Variants in SORBS3 observed in about 807,000 individuals in gnomAD.
The protein encoded by SORBS3 is vinexin.
In SORBS3, 69 loss-of-function variants were observed where a neutral mutation model predicts 98.0. The ratio of observed to expected loss-of-function variants is 0.70; its 90% confidence interval spans 0.58 to 0.86. The LOEUF is 0.86. Among genes scored for constraint, SORBS3 ranks in the 40% least tolerant of loss-of-function variants. The pLI is 0.00. For synonymous variants in SORBS3, 394 were observed against 355.4 expected, an observed-to-expected ratio of 1.11 and a Z score of -1.22; for missense variants, 954 against 908.5, an observed-to-expected ratio of 1.05 and a Z score of -0.64.
At chr8:22,563,569 C>G (rs927592140) in intron 7 of SORBS3, among the ~76,000 whole-genome samples, 1 of 152,196 alleles carries the variant, frequency 6.6e-6, no homozygotes, top group African/African-American at 2.4e-5. Flanking sequence ...GCTGCACAGA[C>G]GCACATAGCC....
In SORBS3 at chr8:22,571,705, T is replaced by C. The variant is rs770601829; in HGVS notation, c.1744-13T>C. 1.9e-6 allele frequency: 3 copies of C among 1,601,600 alleles called. No homozygotes were observed. The Admixed American group carries it at 5.0e-5, about 27-fold the overall frequency. ...CCTCCCTCTGACATCCCTTTCTTCC[T>C]GTCAACTCCCAGAATCTTGGCACCC... On this transcript the variant is annotated splice_polypyrimidine_tract_variant and intron_variant, in intron 18 of 20. Transcript: ENST00000240123.
Position 22,574,733 on chromosome 8 carries a change from T to C in SORBS3, c.*5T>C, listed in dbSNP as rs1840685092. ...AATTACGTTGCCCCGGTGTGAGTGGTCTCCATGGCAACTTGGAGCCAGCCA... is the reference window on the plus strand; with the variant it reads ...AATTACGTTGCCCCGGTGTGAGTGGCCTCCATGGCAACTTGGAGCCAGCCA... On this transcript the variant is annotated 3_prime_UTR_variant, in exon 21 of 21. Transcript: ENST00000240123. 1 of 1,610,480 alleles carries C rather than the reference T, an allele frequency of 6.2e-7. No homozygotes were observed. The highest frequency in any genetic ancestry group is 8.5e-7 in the Non-Finnish European group (1 of 1,177,318).
chr8:22,573,804 A>G (rs1840652782), intron 20 of SORBS3, among the ~76,000 whole-genome samples: 1 of 152,210 alleles, frequency 6.6e-6, no homozygotes, highest in Admixed American at 6.5e-5. Flanking sequence ...ATTTTTCTAT[A>G]TATAGGAATA....
rs1840142603 is a variant in SORBS3, at chr8:22,554,304, G to C, written c.-55-148G>C. On this transcript the variant is annotated intron_variant, in intron 1 of 20. Coordinates refer to ENST00000240123, the MANE Select transcript of SORBS3 (RefSeq NM_005775.5). This position sits in a 1 kb window ranked among gnomAD's most constrained non-coding sequence, Gnocchi z 6.5. ...AGCCTGCAGGCGGGTGCCTGGCGTG[G>C]CCTGTTTCCTGGGTCCTTGAGCTAG... 1 of 772,264 alleles carries C rather than the reference G, an allele frequency of 1.3e-6. No homozygotes were observed. The highest frequency in any genetic ancestry group is 1.9e-6 in the Non-Finnish European group (1 of 520,294). 47.8% of individuals were successfully genotyped at this position (772,264 alleles called of 1,614,324 possible).
intron 16 of SORBS3, among the ~76,000 whole-genome samples, chr8:22,567,809 T>C (rs1392362685): frequency 6.6e-6 from 1 of 152,154 alleles, no homozygotes; most frequent in Non-Finnish European, 1.5e-5. Context: ...CTTACTATCC[T>C]TTTCATGTCA....
intron 1 of SORBS3, among the ~76,000 whole-genome samples, chr8:22,545,612 CCTCTT>C (rs1304417656): frequency 6.6e-6 from 1 of 152,232 alleles, no homozygotes; most frequent in African/African-American, 2.4e-5. Flanking sequence ...TGCATCATCT[CCTCTT>C]CTATGCCCTC....
chr8:22,555,928 TAA>T (rs1840174802), intron 3 of SORBS3, among the ~76,000 whole-genome samples: 1 of 152,148 alleles, frequency 6.6e-6, no homozygotes, highest in South Asian at 2.1e-4. Flanking sequence ...CTGGACACTG[TAA>T]AAACACTTTA....
At chr8:22,559,422 C>T (rs1840248261) in intron 5 of SORBS3, among the ~76,000 whole-genome samples, 1 of 152,102 alleles carries the variant, frequency 6.6e-6, no homozygotes, top group Non-Finnish European at 1.5e-5. Flanking sequence ...ATTCACAGGC[C>T]GGGCGCGGTG....
At chr8:22,552,220 A>G (rs1451144369) in intron 1 of SORBS3, among the ~76,000 whole-genome samples, 198 bp downstream of exon 1, 1 of 152,184 alleles carries the variant, frequency 6.6e-6, no homozygotes, top group Non-Finnish European at 1.5e-5. Flanking sequence ...TCGCTGAGAA[A>G]TACCTGGGAA....
rs1042080297 is a variant in SORBS3, at chr8:22,554,594, T to C, written c.88T>C (p.Ser30Pro). Residue 30 changes from serine (S) to proline (P), a missense_variant, in exon 2 of 21, where the codon TCC (serine) becomes CCC (proline). By Grantham distance (74) the Ser-to-Pro change is moderately conservative (BLOSUM62 -1). Coordinates refer to ENST00000240123, the MANE Select transcript of SORBS3 (RefSeq NM_005775.5). The surrounding 1 kb of genome is among the most constrained non-coding windows in gnomAD (Gnocchi z 6.5). ...CCTCCAGTCCCACATAGGGTCTTCC[T>C]CCCGGGGGACACGGGTGAGTGAGTC... ...GHLQSHIGSS[S>P]RGTRVPVIRN... The C allele has an allele frequency of 6.2e-7, 1 of 1,612,446 alleles. No homozygotes were observed. The highest frequency in any genetic ancestry group is 8.5e-7 in the Non-Finnish European group (1 of 1,179,896).
chr8:22,550,908 C>T (rs190902643), upstream of SORBS3, among the ~76,000 whole-genome samples: 1 of 152,234 alleles, frequency 6.6e-6, no homozygotes, highest in South Asian at 2.1e-4. Context: ...CAGAGTGTTT[C>T]CACGGTCCTT....
At chr8:22,560,031 C>T (rs868058754) in intron 5 of SORBS3, among the ~76,000 whole-genome samples, 28 of 148,568 alleles carry the variant, frequency 1.9e-4, no homozygotes, top group African/African-American at 6.0e-4. Flanking sequence ...CACCCCACTG[C>T]ACTCCAGCCT....
At chr8:22,562,410 G>C in intron 7 of SORBS3, among the ~76,000 whole-genome samples, 1 of 152,216 alleles carries the variant, frequency 6.6e-6, no homozygotes, top group East Asian at 1.9e-4. Context: ...GGATAAGGAT[G>C]ACATTCCTTT....
rs761320255 is a variant in SORBS3 at position 22,565,331 on chromosome 8, G to A, written c.880G>A (p.Glu294Lys). ...GCTGGACAAGGACCTGCGGGCAATT[G>A]AGACCCGACTGCCGTCCCCCAAGGT... is the stretch of plus-strand genomic sequence containing the variant. ...AELDKDLRAI[E>K]TRLPSPKSSP... The change falls in exon 11 of 21, where the codon GAG (glutamate) becomes AAG (lysine). Residue 294 changes from glutamate (E) to lysine (K), a missense_variant. Glu to Lys is a moderately conservative substitution (Grantham distance 56). Transcript: ENST00000240123. 2.6e-6 allele frequency: 4 copies of A among 1,557,738 alleles called. No individual in the cohort carries two copies. The South Asian group carries it at 4.7e-5, about 18-fold the overall frequency.
intron 19 of SORBS3, among the ~76,000 whole-genome samples, 153 bp downstream of exon 19, chr8:22,571,974 C>T (rs1840599258): frequency 6.6e-6 from 1 of 152,336 alleles, no homozygotes; most frequent in South Asian, 2.1e-4. Context: ...TGATTTGGGG[C>T]AGGGAGGAGG....
chr8:22,567,082 T>A lies in SORBS3; in HGVS notation c.1212T>A (p.Gly404=), dbSNP rs35035475. The stretch of plus-strand genomic sequence containing the variant: ...GCAGGGAGCTGACTCTGCAGAAGGG[T>A]GACATTGTCTACATCCACAAGGAGG... ...QSPKELTLQK[G]DIVYIHKEVD... is the part of the protein sequence containing the mutation. The change falls in exon 16 of 21, where the codon GGT becomes GGA. Residue 404 remains glycine, a synonymous_variant. Transcript: ENST00000240123. 2.9e-3 allele frequency: 4,674 copies of A among 1,613,350 alleles called. 130 individuals are homozygous for A. In the African/African-American group the frequency reaches 0.055, roughly 19 times the overall value.
At chr8:22,569,668 G>A (rs1840520649) in intron 17 of SORBS3, among the ~76,000 whole-genome samples, 1 of 152,120 alleles carries the variant, frequency 6.6e-6, no homozygotes, top group South Asian at 2.1e-4. Context: ...AGAGTCCGAT[G>A]TACCTAGCTT....
At chr8:22,573,092 C>G (rs528572797) in intron 20 of SORBS3, among the ~76,000 whole-genome samples, 115 of 152,170 alleles carry the variant, frequency 7.6e-4, no homozygotes, top group African/African-American at 2.6e-3. Context: ...GCTTTGAAGC[C>G]TGAGGAGTTG....
At chr8:22,546,499 C>T (rs961019775) in intron 1 of SORBS3, among the ~76,000 whole-genome samples, 7 of 152,154 alleles carry the variant, frequency 4.6e-5, no homozygotes, top group Admixed American at 1.3e-4. Flanking sequence ...TTGGCCACAA[C>T]GTGTTTCTGT....
Sources: gnomAD v4.1 joint callset for allele counts (sites outside exome capture counted in the v4.1 genomes callset) on GRCh38, gnomAD v4.1.1 for gene constraint, Gnocchi (gnomAD v3.1) non-coding constraint, MANE v1.5 for transcripts, NCBI Gene and HGNC (gene_info 2026-07-23, HGNC 2026-07-21) for gene names.